CD226: variants seen among roughly 807,000 people sequenced by gnomAD.
CD226 encodes the protein CD226 antigen.
A neutral mutation model predicts 34.9 loss-of-function variants in CD226; 24 were observed. The observed-to-expected ratio is 0.69, with a 90% confidence interval of 0.50 to 0.97. The LOEUF is 0.97. Ranked by LOEUF, CD226 falls within the 50% of genes least tolerant of loss-of-function variation. The pLI is 0.00. For synonymous variants in CD226, 148 were observed against 147.4 expected (o/e 1.00, Z -0.03); for missense variants, 397 against 412.7 (o/e 0.96, Z 0.33).
intron 5 of CD226, 66 bp downstream of exon 5, chr18:69,867,291 C>T: frequency 9.4e-7 from 1 of 1,060,712 alleles, no homozygotes; most frequent in Admixed American, 1.7e-5. Context: ...TTGCTAACTG[C>T]AAAAGAGACT....
At chr18:69,873,553 C>T (rs1297211087) in intron 3 of CD226, among the ~76,000 whole-genome samples, 8 of 151,074 alleles carry the variant, frequency 5.3e-5, no homozygotes, top group African/African-American at 1.7e-4. Flanking sequence ...ATCATATACA[C>T]AAAACCTTTT....
chr18:69,877,239 TGGTGGAGCCA>T (rs1983932371), intron 3 of CD226, among the ~76,000 whole-genome samples: 1 of 152,194 alleles, frequency 6.6e-6, no homozygotes, highest in African/African-American at 2.4e-5. Context: ...TTGGTTAATC[TGGTGGAGCCA>T]GTTATAGAGC....
chr18:69,901,535 ATTCT>A (rs945302404), intron 2 of CD226, among the ~76,000 whole-genome samples: 9 of 152,252 alleles, frequency 5.9e-5, no homozygotes, highest in African/African-American at 1.9e-4. Flanking sequence ...TGATTATGCT[ATTCT>A]TTCTATTTTT....
upstream of CD226, among the ~76,000 whole-genome samples, chr18:69,957,827 C>T (rs1260217689): frequency 6.6e-6 from 1 of 152,190 alleles, no homozygotes; most frequent in African/African-American, 2.4e-5. Context: ...GCCTGACTCT[C>T]GTCACTCCCT....
At chr18:69,935,293 G>A (rs1233100836) in intron 2 of CD226, among the ~76,000 whole-genome samples, 1 of 152,108 alleles carries the variant, frequency 6.6e-6, no homozygotes, top group Non-Finnish European at 1.5e-5. Flanking sequence ...TTCCTATAAG[G>A]CCTTTTTGAA....
intron 3 of CD226, among the ~76,000 whole-genome samples, chr18:69,876,108 T>A (rs934850125): frequency 7.9e-5 from 12 of 152,186 alleles, no homozygotes; most frequent in African/African-American, 1.7e-4. Flanking sequence ...TAAAAAAAAA[T>A]TTAAAGCAAT....
At chr18:69,936,720 T>C (rs1180047038) in intron 2 of CD226, among the ~76,000 whole-genome samples, 1 of 152,226 alleles carries the variant, frequency 6.6e-6, no homozygotes, top group African/African-American at 2.4e-5. Flanking sequence ...AGCTTATGGC[T>C]TCATTCTCTA....
intron 2 of CD226, among the ~76,000 whole-genome samples, chr18:69,904,422 G>A (rs1358879677): frequency 6.6e-6 from 1 of 152,190 alleles, no homozygotes; most frequent in Non-Finnish European, 1.5e-5. Context: ...TGAGACCACC[G>A]GCCTCCCCAG....
intron 2 of CD226, among the ~76,000 whole-genome samples, chr18:69,940,455 TC>T (rs1192460234): frequency 6.6e-6 from 1 of 152,230 alleles, no homozygotes; most frequent in Non-Finnish European, 1.5e-5. Flanking sequence ...TTTGGGAACT[TC>T]CTAGAAATTT....
At chr18:69,918,371 C>T (rs1314612512) in intron 2 of CD226, among the ~76,000 whole-genome samples, 6 of 151,944 alleles carry the variant, frequency 3.9e-5, no homozygotes, top group Non-Finnish European at 1.5e-5. Flanking sequence ...TGGCCAACAT[C>T]ATGAAACCCC....
At chr18:69,943,154 T>C (rs1476625366) in intron 2 of CD226, among the ~76,000 whole-genome samples, 3 of 152,182 alleles carry the variant, frequency 2.0e-5, no homozygotes, top group Non-Finnish European at 2.9e-5. Flanking sequence ...TAGTGCTTCA[T>C]AAGGATTAAA....
chr18:69,910,275 T>A (rs1480379619), intron 2 of CD226, among the ~76,000 whole-genome samples: 1 of 152,172 alleles, frequency 6.6e-6, no homozygotes, highest in Non-Finnish European at 1.5e-5. Flanking sequence ...GACTTCACAG[T>A]GGGAAAACGT....
chr18:69,930,005 C>T (rs1197218932), intron 2 of CD226, among the ~76,000 whole-genome samples: 2 of 152,128 alleles, frequency 1.3e-5, no homozygotes, highest in East Asian at 1.9e-4. Context: ...GGTCTGGCAT[C>T]TCTCCTCTGC....
At chr18:69,895,625 A>T in intron 3 of CD226, 76 bp downstream of exon 3, 1 of 1,042,932 alleles carries the variant, frequency 9.6e-7, no homozygotes, top group Non-Finnish European at 1.4e-6. Flanking sequence ...TGTTTACCAT[A>T]AATAAAAACA....
chr18:69,864,351 T>G lies in CD226; in HGVS notation c.974A>C (p.Tyr325Ser), dbSNP rs780961348. The change falls in exon 6 of 6, where the codon TAT (tyrosine) becomes TCT (serine). Residue 325 changes from tyrosine (Y) to serine (S), a missense_variant. Tyr to Ser is a moderately radical substitution (Grantham distance 144). Coordinates refer to ENST00000582621, the MANE Select transcript of CD226 (RefSeq NM_001303618.2). The part of the protein sequence containing the change: ...DDTREDIYVN[Y>S]PTFSRRPKTR... ...CTTTGGTCTGCGAGAGAAGGTTGGATAGTTGACATAAATATCCTCTCTTGT... is the reference window on the plus strand; with the variant it reads ...CTTTGGTCTGCGAGAGAAGGTTGGAGAGTTGACATAAATATCCTCTCTTGT... The G allele has an allele frequency of 6.2e-7, 1 of 1,613,840 alleles. No homozygotes were observed. Among genetic ancestry groups the G allele is most frequent in the Non-Finnish European group, 8.5e-7 (1 of 1,179,818 alleles).
upstream of CD226, among the ~76,000 whole-genome samples, chr18:69,958,171 A>T (rs561940659): frequency 2.6e-4 from 39 of 152,204 alleles, no homozygotes; most frequent in Admixed American, 3.9e-4. Flanking sequence ...GCCACATCCT[A>T]TTATGCCTAT....
chr18:69,871,761 G>GAATT, intron 4 of CD226, among the ~76,000 whole-genome samples: 1 of 152,208 alleles, frequency 6.6e-6, no homozygotes, highest in Non-Finnish European at 1.5e-5. Flanking sequence ...AAATAAAGTA[G>GAATT]AAAGTATGAA....
chr18:69,908,926 T>C (rs1299560677), intron 2 of CD226, among the ~76,000 whole-genome samples: 4 of 152,242 alleles, frequency 2.6e-5, no homozygotes, highest in African/African-American at 9.6e-5. Flanking sequence ...CACTGCTATT[T>C]ATCCTTCAAA....
intron 2 of CD226, among the ~76,000 whole-genome samples, chr18:69,934,750 A>C (rs2055631689): frequency 6.6e-6 from 1 of 152,198 alleles, no homozygotes; most frequent in Admixed American, 6.5e-5. Flanking sequence ...GATTGTGAAT[A>C]ATCTCTCAAG....
Sources: allele counts gnomAD v4.1 joint callset (sites outside exome capture counted in the v4.1 genomes callset), GRCh38; gene constraint gnomAD v4.1.1; transcripts MANE v1.5; gene names NCBI Gene and HGNC (gene_info 2026-07-23, HGNC 2026-07-21).